Variants in NTNG2 observed in about 807,000 individuals in gnomAD.
The protein encoded by NTNG2 is netrin G2.
NTNG2 carries 15 observed loss-of-function variants against 47.6 expected under a neutral mutation model. The observed-to-expected ratio is 0.32, with a 90% confidence interval of 0.21 to 0.49. NTNG2 has a LOEUF of 0.49. Among genes scored for constraint, NTNG2 ranks in the 20% least tolerant of loss-of-function variants. NTNG2 has a pLI of 0.99. For synonymous variants in NTNG2, 307 were observed against 324.6 expected, an observed-to-expected ratio of 0.95 and a Z score of 0.58; for missense variants, 578 against 764.6, an observed-to-expected ratio of 0.76 and a Z score of 2.88.
At chr9:132,187,574 A>G (rs1006002158) in intron 2 of NTNG2, among the ~76,000 whole-genome samples, 7 of 37,434 alleles carry the variant, frequency 1.9e-4, no homozygotes, top group African/African-American at 1.8e-3. Context: ...GGAGCAAGAG[A>G]GAGAGAGAGA....
intron 2 of NTNG2, among the ~76,000 whole-genome samples, chr9:132,179,019 T>C (rs1285979116): frequency 1.3e-5 from 2 of 148,528 alleles, no homozygotes; most frequent in African/African-American, 5.0e-5. Context: ...TCATTTCCTA[T>C]GAAGGAGAAA....
chr9:132,226,246 GAAT>G lies in NTNG2; in HGVS notation c.858-599_858-597del, dbSNP rs1406395274. 2.0e-5 allele frequency among the ~76,000 whole-genome samples: 3 copies of G among 152,218 alleles called. No homozygotes were observed. Among genetic ancestry groups the G allele is most frequent in the Non-Finnish European group, 2.9e-5 (2 of 68,042 alleles). ...CTTTCCCTTTATTTACCAGTTTTCA[GAAT>G]AATGAGTCGCCTATAAATATTTGAA... On this transcript the variant is annotated intron_variant, in intron 3 of 7. Transcript: ENST00000393229. The surrounding 1 kb of genome is among the most constrained non-coding windows in gnomAD (Gnocchi z 4.8).
chr9:132,179,389 G>A (rs1836754564), intron 2 of NTNG2, among the ~76,000 whole-genome samples: 1 of 152,176 alleles, frequency 6.6e-6, no homozygotes, highest in Admixed American at 6.5e-5. Context: ...TGGGGGCCCT[G>A]AGGGGATCAA....
At chr9:132,207,079 C>T (rs2130797916) in intron 3 of NTNG2, among the ~76,000 whole-genome samples, 1 of 152,372 alleles carries the variant, frequency 6.6e-6, no homozygotes, top group Non-Finnish European at 1.5e-5. Flanking sequence ...CACAGCAACG[C>T]CTTCCCAGCA....
chr9:132,234,026 C>CT (rs71376630), intron 5 of NTNG2: 5,427 of 132,214 alleles, frequency 0.041, 215 homozygotes, highest in African/African-American at 0.095. Flanking sequence ...GTAGAGCTAT[C>CT]TTTTTTTTTT....
chr9:132,239,409 C>T (rs1434107615), intron 6 of NTNG2, 138 bp downstream of exon 6: 3 of 774,958 alleles, frequency 3.9e-6, no homozygotes, highest in Non-Finnish European at 6.4e-6. Flanking sequence ...GGGCCCTCTC[C>T]AGTTGAGCAT....
Position 132,174,409 on chromosome 9 carries a change from G to A in NTNG2, c.213+7365G>A, listed in dbSNP as rs1039320252. On this transcript the variant is annotated intron_variant, in intron 2 of 7. Coordinates refer to ENST00000393229, the MANE Select transcript of NTNG2 (RefSeq NM_032536.4). ...AGACAGGCAGGCCGCACCATGCTGC[G>A]GATGAGAACTTGGGCTTCTGGAGGG... 1.2e-4 allele frequency among the ~76,000 whole-genome samples: 18 copies of A among 152,100 alleles called. No individual in the cohort carries two copies. The East Asian group carries it at 2.1e-3, about 18-fold the overall frequency.
chr9:132,194,687 T>G (rs72763682), intron 2 of NTNG2, among the ~76,000 whole-genome samples: 1 of 152,224 alleles, frequency 6.6e-6, no homozygotes, highest in African/African-American at 2.4e-5. Context: ...TTGGACTCTA[T>G]GGTGAGCTCC....
chr9:132,177,688 T>C (rs1178177035), intron 2 of NTNG2, among the ~76,000 whole-genome samples: 1 of 152,082 alleles, frequency 6.6e-6, no homozygotes, highest in East Asian at 1.9e-4. Context: ...GTCAGAGTCT[T>C]GCTCTGTCAC....
chr9:132,235,344 G>C (rs1289552965), intron 5 of NTNG2, among the ~76,000 whole-genome samples: 1 of 152,220 alleles, frequency 6.6e-6, no homozygotes, highest in African/African-American at 2.4e-5. Context: ...CAGTCAGAAC[G>C]GGGACGGCAC....
chr9:132,177,119 T>C (rs1041329714), intron 2 of NTNG2, among the ~76,000 whole-genome samples: 4 of 152,212 alleles, frequency 2.6e-5, no homozygotes, highest in African/African-American at 9.7e-5. Flanking sequence ...CCCAAGTAGC[T>C]GGGATTACAG....
rs1391222438 is a variant in NTNG2, at chr9:132,215,847, A to G, written c.858-11002A>G. On this transcript the variant is annotated intron_variant, in intron 3 of 7. Transcript: ENST00000393229. The surrounding 1 kb of genome is among the most constrained non-coding windows in gnomAD (Gnocchi z 4.2). ...GGCACCTGGGAGCCCATGTACTCTC[A>G]TCTCCGTCCCTCCCTCTATCACCTG... is the stretch of plus-strand genomic sequence containing the variant. 6.6e-6 allele frequency among the ~76,000 whole-genome samples: 1 copy of G among 152,076 alleles called. No individual in the cohort carries two copies. Among genetic ancestry groups the G allele is most frequent in the Non-Finnish European group, 1.5e-5 (1 of 68,006 alleles).
rs146188409 is a variant in NTNG2, at chr9:132,165,396, C to G, written c.-483-953C>G. ...ATTGTAACCCATTTATAGACCTACC[C>G]TCTAAGAATGATTTGCAAAATGCTG... On this transcript the variant is annotated intron_variant, in intron 1 of 7. Transcript: ENST00000393229. Among the ~76,000 whole-genome samples, 276 of 152,264 alleles carry G rather than the reference C, an allele frequency of 1.8e-3. 1 individual carries two copies. Among genetic ancestry groups the G allele is most frequent in the African/African-American group, 6.5e-3 (269 of 41,548 alleles).
At chr9:132,241,500 G>A in intron 7 of NTNG2, 2 of 336,806 alleles carry the variant, frequency 5.9e-6, no homozygotes, top group Non-Finnish European at 1.1e-5. Flanking sequence ...GGGTTGGTTG[G>A]AAAGGTATTT....
chr9:132,173,986 G>T (rs1836165604), intron 2 of NTNG2, among the ~76,000 whole-genome samples: 1 of 150,026 alleles, frequency 6.7e-6, no homozygotes, highest in Admixed American at 6.6e-5. Flanking sequence ...AGACAGGCAG[G>T]CAGGTCGAAC....
At chr9:132,183,501 C>G (rs1183306346) in intron 2 of NTNG2, among the ~76,000 whole-genome samples, 3 of 152,208 alleles carry the variant, frequency 2.0e-5, no homozygotes. Flanking sequence ...TGTCCTGAGT[C>G]CAGATGAAAT....
intron 4 of NTNG2, 109 bp downstream of exon 4, chr9:132,227,130 C>T (rs1243994451): frequency 8.5e-7 from 1 of 1,180,622 alleles, no homozygotes; most frequent in Admixed American, 2.8e-5. Context: ...CACACAGGCA[C>T]ATACGTGTGC....
chr9:132,176,077 A>C (rs1836424958), intron 2 of NTNG2, among the ~76,000 whole-genome samples: 1 of 152,170 alleles, frequency 6.6e-6, no homozygotes, highest in Admixed American at 6.5e-5. Context: ...TGGTGGGTGC[A>C]GTGGCTCACA....
rs1480939144 is a variant in NTNG2 at position 132,239,168 on chromosome 9, C to T, written c.1119C>T (p.Cys373=). 4 of 1,613,784 alleles carry T rather than the reference C, an allele frequency of 2.5e-6. No individual in the cohort carries two copies. Among genetic ancestry groups the T allele is most frequent in the African/African-American group, 1.3e-5 (1 of 74,944 alleles). Residue 373 remains cysteine, a synonymous_variant, in exon 6 of 8, where the codon TGC becomes TGT. Coordinates refer to ENST00000393229, the MANE Select transcript of NTNG2 (RefSeq NM_032536.4). ...TTGACTTCCTGAATGTGGTGACCTG[C>T]GTCAGCTGCAAGCACAACACGCGAG... ...SYIDFLNVVT[C]VSCKHNTRGQ...
Sources: gnomAD v4.1 joint callset for allele counts (sites outside exome capture counted in the v4.1 genomes callset) on GRCh38, gnomAD v4.1.1 for gene constraint, Gnocchi (gnomAD v3.1) non-coding constraint, MANE v1.5 for transcripts, NCBI Gene and HGNC (gene_info 2026-07-23, HGNC 2026-07-21) for gene names.